RP1: variants seen among roughly 807,000 people sequenced by gnomAD.
RP1 encodes RP1 axonemal microtubule associated, also known as oxygen-regulated protein 1.
In RP1, 16 loss-of-function variants were observed where a neutral mutation model predicts 14.8. That is an observed-to-expected ratio of 1.08 (90% confidence interval 0.73 to 1.65). The LOEUF (loss-of-function observed/expected upper bound fraction) is 1.65. Ranked by LOEUF, RP1 falls within the 40% of genes most tolerant of loss-of-function variation. The probability of loss-of-function intolerance (pLI) is 0.00; values close to 1 mark genes in which losing one functional copy is unlikely to be tolerated. For missense variants in RP1, 2,631 were observed against 2,535.0 expected (o/e 1.04, Z -0.81); for synonymous variants, 876 against 883.6 (o/e 0.99, Z 0.15).
intron 24 of RP1, among the ~76,000 whole-genome samples, chr8:54,829,837 C>G (rs981165516): frequency 3.3e-5 from 5 of 152,038 alleles, no homozygotes; most frequent in Admixed American, 3.3e-4. Flanking sequence ...CAAAAATTTA[C>G]TAAGAATTAT....
intron 8 of RP1, chr8:54,678,377 AG>A: frequency 1.8e-6 from 2 of 1,134,862 alleles, no homozygotes; most frequent in South Asian, 2.9e-5. Flanking sequence ...TATATTTGGA[AG>A]TTAGAACTTG....
Position 54,626,445 on chromosome 8 carries a change from T to C in RP1, c.2563T>C (p.Leu855=). ...GYLRGMAKKS[L]VSKVTDSHIT... is the part of the protein sequence containing the mutation. ...TTTGAGAGGAATGGCAAAGAAGAGT[T>C]TAGTTTCAAAAGTTACTGATTCACA... is the stretch of plus-strand genomic sequence containing the variant. Residue 855 remains leucine, a synonymous_variant, in exon 4 of 4, where the codon TTA becomes CTA. Coordinates refer to ENST00000220676, the MANE Select transcript of RP1 (RefSeq NM_006269.2). The C allele has an allele frequency of 6.2e-7, 1 of 1,613,672 alleles. No homozygotes were observed. The highest frequency in any genetic ancestry group is 8.5e-7 in the Non-Finnish European group (1 of 1,179,886).
intron 25 of RP1, among the ~76,000 whole-genome samples, chr8:54,851,275 C>T (rs1429613080): frequency 1.3e-5 from 2 of 152,058 alleles, no homozygotes; most frequent in African/African-American, 4.8e-5. Flanking sequence ...AGTTTGTGTT[C>T]TAAATGCTTT....
chr8:54,574,620 T>C (rs909559803), intron 1 of RP1, among the ~76,000 whole-genome samples: 3 of 152,160 alleles, frequency 2.0e-5, no homozygotes, highest in Admixed American at 6.5e-5. Context: ...GGTCTGAAGA[T>C]TGTCTAAGAA....
At chr8:54,783,094 C>A (rs1025066159) in intron 23 of RP1, among the ~76,000 whole-genome samples, 4 of 152,070 alleles carry the variant, frequency 2.6e-5, no homozygotes, top group Non-Finnish European at 4.4e-5. Flanking sequence ...TCTTCTACAT[C>A]CTTAGCACTA....
downstream of RP1, among the ~76,000 whole-genome samples, chr8:54,635,483 A>G (rs963035965): frequency 2.6e-5 from 4 of 152,308 alleles, no homozygotes; most frequent in East Asian, 5.8e-4. Flanking sequence ...TGAGAGTGAA[A>G]GTGGTTAGTG....
chr8:54,564,274 G>C (rs1804351535), intron 1 of RP1, among the ~76,000 whole-genome samples: 1 of 152,114 alleles, frequency 6.6e-6, no homozygotes, highest in Admixed American at 6.6e-5. Context: ...ACCAATTATG[G>C]GTGCCTACCG....
In RP1 at chr8:54,625,543, G is replaced by A. The variant is rs1252073669; in HGVS notation, c.1661G>A (p.Ser554Asn). The change falls in exon 4 of 4, where the codon AGT becomes AAT. Residue 554 changes from serine (S) to asparagine (N), a missense_variant. Physicochemically the swap from Ser to Asn is conservative, Grantham distance 46. Coordinates refer to ENST00000220676, the MANE Select transcript of RP1 (RefSeq NM_006269.2). ...AISAGVIEITSQKMLEMSHNN... is the reference protein window; with the variant it reads ...AISAGVIEITNQKMLEMSHNN... ...AGTGCTGGTGTTATAGAAATTACAA[G>A]TCAGAAGATGTTAGAGATGTCACAT... 1.2e-6 allele frequency: 2 copies of A among 1,613,902 alleles called. No individual in the cohort carries two copies. Among genetic ancestry groups the A allele is most frequent in the Admixed American group, 3.3e-5 (2 of 60,002 alleles).
chr8:54,740,879 T>C (rs1809065891), intron 19 of RP1, among the ~76,000 whole-genome samples: 2 of 151,812 alleles, frequency 1.3e-5, no homozygotes, highest in African/African-American at 4.8e-5. Context: ...ACCCCATCTC[T>C]ACTAAAATTA....
In RP1 at chr8:54,628,429, A is replaced by T; in HGVS notation, c.4547A>T (p.Glu1516Val). 6.2e-7 allele frequency: 1 copy of T among 1,613,450 alleles called. No homozygotes were observed. The highest frequency in any genetic ancestry group is 8.5e-7 in the Non-Finnish European group (1 of 1,179,642). The part of the protein sequence containing the change: ...LIDISSKNIM[E>V]EKRMNGIIYE... ...GACATCTCTAGTAAGAATATTATGG[A>T]AGAAAAAAGAATGAACGGTATAATT... Residue 1516 changes from glutamate (E) to valine (V), a missense_variant, in exon 4 of 4, where the codon GAA becomes GTA. Glu to Val is a moderately radical substitution (Grantham distance 121). Transcript: ENST00000220676.
intron 25 of RP1, among the ~76,000 whole-genome samples, chr8:54,846,987 G>A (rs1811936445): frequency 6.6e-6 from 1 of 152,160 alleles, no homozygotes; most frequent in Non-Finnish European, 1.5e-5. Context: ...TAGCAGCAGG[G>A]ATGAGAGCTG....
exon 12 of RP1, chr8:54,679,849 T>A (rs975471147): frequency 1.3e-6 from 2 of 1,536,046 alleles, no homozygotes; most frequent in Admixed American, 3.9e-5. Flanking sequence ...TACTCTTCAG[T>A]TCTATAACAA....
At chr8:54,844,480 G>T (rs1225981614) in intron 25 of RP1, among the ~76,000 whole-genome samples, 1 of 152,000 alleles carries the variant, frequency 6.6e-6, no homozygotes, top group African/African-American at 2.4e-5. Flanking sequence ...AGTCCTCTGT[G>T]TGTGCGTGTG....
intron 12 of RP1, among the ~76,000 whole-genome samples, chr8:54,687,515 G>A (rs1024251429): frequency 6.6e-6 from 1 of 151,922 alleles, no homozygotes; most frequent in African/African-American, 2.4e-5. Context: ...CTATGTCCAT[G>A]TGTTCTCATT....
At chr8:54,594,275 C>T (rs1299226586) in intron 1 of RP1, among the ~76,000 whole-genome samples, 1 of 147,074 alleles carries the variant, frequency 6.8e-6, no homozygotes, top group African/African-American at 2.5e-5. Flanking sequence ...GGAAACACAT[C>T]ATTCCTGAAC....
chr8:54,797,585 C>G (rs996955958), intron 24 of RP1, among the ~76,000 whole-genome samples: 1 of 151,850 alleles, frequency 6.6e-6, no homozygotes, highest in Non-Finnish European at 1.5e-5. Context: ...CTACCTCAGT[C>G]CACTGCATGT....
intron 3 of RP1, among the ~76,000 whole-genome samples, chr8:54,644,112 G>A (rs1806500667): frequency 6.6e-6 from 1 of 152,100 alleles, no homozygotes; most frequent in Non-Finnish European, 1.5e-5. Flanking sequence ...TCACAGATGT[G>A]TGAAACTAGA....
intron 4 of RP1, among the ~76,000 whole-genome samples, chr8:54,651,491 G>A (rs1399885590): frequency 6.6e-6 from 1 of 151,550 alleles, no homozygotes; most frequent in Non-Finnish European, 1.5e-5. Context: ...GTCACTTTTG[G>A]TGGTCTGTGT....
rs377448780 is a variant in RP1, at chr8:54,847,005, C to A, written c.3836-5569C>A. On this transcript the variant is annotated intron_variant, in intron 25 of 28. Transcript: ENST00000637698. ...CAGCAGGGATGAGAGCTGATGAGGG[C>A]ACTCTGTTGCCTTTCCTCTCCTCCT... Among the ~76,000 whole-genome samples the A allele has an allele frequency of 4.2e-4, 64 of 152,286 alleles. 2 individuals carry two copies. In the South Asian group the frequency reaches 0.013, roughly 31 times the overall value.
Sources: gnomAD v4.1 joint callset for allele counts (sites outside exome capture counted in the v4.1 genomes callset) on GRCh38, gnomAD v4.1.1 for gene constraint, MANE v1.5 for transcripts, NCBI Gene and HGNC (gene_info 2026-07-23, HGNC 2026-07-21) for gene names.